The following SVOPL variants were observed in gnomAD, a reference collection of about 807,000 sequenced individuals.
The protein encoded by SVOPL is putative transporter SVOPL.
SVOPL carries 60 observed loss-of-function variants against 61.0 expected under a neutral mutation model. The ratio of observed to expected loss-of-function variants is 0.98; its 90% CI spans 0.80 to 1.22. SVOPL has a LOEUF of 1.22. Among genes scored for constraint, SVOPL ranks in the 50% most tolerant of loss-of-function variants. The probability of loss-of-function intolerance (pLI) is 0.00; values close to 1 mark genes in which losing one functional copy is unlikely to be tolerated. For synonymous variants in SVOPL, 279 were observed against 250.0 expected, an observed-to-expected ratio of 1.12 and a Z score of -1.09; for missense variants, 662 against 643.9, an observed-to-expected ratio of 1.03 and a Z score of -0.30.
intron 10 of SVOPL, among the ~76,000 whole-genome samples, chr7:138,629,153 G>GTGTGTGTGTGTGTGTGTGTGTGTATA: frequency 6.8e-6 from 1 of 147,376 alleles, no homozygotes; most frequent in African/African-American, 2.5e-5. Context: ...GTGTGTGTGT[G>GTGTGTGTGTGTGTGTGTGTGTGTATA]TATATATGTA....
intron 1 of SVOPL, among the ~76,000 whole-genome samples, chr7:138,700,910 A>C (rs1803182047): frequency 6.6e-6 from 1 of 152,216 alleles, no homozygotes; most frequent in Non-Finnish European, 1.5e-5. Flanking sequence ...AGCTTCATTA[A>C]AACAAATTCT....
intron 7 of SVOPL, 82 bp from the exon 8 acceptor site, chr7:138,649,219 G>C (rs1246066442): frequency 6.8e-7 from 1 of 1,470,392 alleles, no homozygotes. Context: ...TATATTTTTA[G>C]AAAGATTAAA....
chr7:138,652,090 C>T (rs1041685082), intron 7 of SVOPL, among the ~76,000 whole-genome samples: 1 of 151,218 alleles, frequency 6.6e-6, no homozygotes, highest in Non-Finnish European at 1.5e-5. Context: ...CTCGCTCTGT[C>T]ACCCAGGCTG....
chr7:138,645,539 C>A (rs1801057017), intron 8 of SVOPL: 1 of 152,858 alleles, frequency 6.5e-6, no homozygotes, highest in South Asian at 2.1e-4. Flanking sequence ...TTCCTCTTGC[C>A]TCATGCCCAG....
chr7:138,678,288 GC>G, intron 3 of SVOPL, 145 bp downstream of exon 3: 1 of 685,354 alleles, frequency 1.5e-6, no homozygotes, highest in Non-Finnish European at 2.3e-6. Context: ...CCTAAACGGT[GC>G]CCCATCCACC....
intron 14 of SVOPL, among the ~76,000 whole-genome samples, chr7:138,601,184 G>A (rs527626364): frequency 3.3e-5 from 5 of 151,222 alleles, no homozygotes; most frequent in East Asian, 1.9e-4. Context: ...TTCGGGAGGC[G>A]GAGCTTGCAG....
intron 14 of SVOPL, among the ~76,000 whole-genome samples, chr7:138,602,379 T>C (rs1798561233): frequency 6.6e-6 from 1 of 150,810 alleles, no homozygotes; most frequent in Admixed American, 6.7e-5. Flanking sequence ...ATGCACCTAC[T>C]TAAAAGAATG....
At chr7:138,664,825 TTC>T (rs1802188720) in intron 4 of SVOPL, among the ~76,000 whole-genome samples, 1 of 73,400 alleles carries the variant, frequency 1.4e-5, no homozygotes, top group Non-Finnish European at 2.6e-5. Context: ...CGCTCGACCC[TTC>T]CCCCCACCCC....
chr7:138,616,883 C>T (rs1191805384), intron 14 of SVOPL, among the ~76,000 whole-genome samples: 1 of 152,194 alleles, frequency 6.6e-6, no homozygotes, highest in East Asian at 1.9e-4. Flanking sequence ...AACTCCCAGG[C>T]TCAACCAAGT....
intron 1 of SVOPL, among the ~76,000 whole-genome samples, chr7:138,681,209 AAATT>A (rs1194711439): frequency 6.8e-6 from 1 of 147,494 alleles, no homozygotes. Flanking sequence ...CAAATATAAT[AAATT>A]AACAAATATT....
intron 7 of SVOPL, among the ~76,000 whole-genome samples, chr7:138,652,473 G>A (rs1801488042): frequency 6.6e-6 from 1 of 150,516 alleles, no homozygotes; most frequent in African/African-American, 2.4e-5. Context: ...GGCATAAGCT[G>A]CCACACCCAG....
intron 3 of SVOPL, 112 bp downstream of exon 3, chr7:138,678,322 T>G (rs1349668758): frequency 1.7e-6 from 2 of 1,142,980 alleles, no homozygotes; most frequent in East Asian, 5.4e-5. Flanking sequence ...TCTCAGGACC[T>G]CCTGAGGGCT....
intron 7 of SVOPL, among the ~76,000 whole-genome samples, chr7:138,652,064 C>T (rs1801466131): frequency 6.6e-6 from 1 of 151,538 alleles, no homozygotes; most frequent in Non-Finnish European, 1.5e-5. Context: ...CACACCCAGC[C>T]AATTTTTTTT....
At chr7:138,627,107 G>A (rs986725450) in intron 12 of SVOPL, among the ~76,000 whole-genome samples, 7 of 152,130 alleles carry the variant, frequency 4.6e-5, no homozygotes, top group African/African-American at 1.7e-4. Flanking sequence ...ATTTTGGTAG[G>A]TAAAGTGAGT....
chr7:138,670,047 A>C lies in SVOPL; in HGVS notation c.273+1972T>G, dbSNP rs191863761. Among the ~76,000 whole-genome samples the C allele has an allele frequency of 2.7e-4, 41 of 152,230 alleles. No homozygotes were observed. In the East Asian group the frequency reaches 7.7e-3, roughly 29 times the overall value. On this transcript the variant is annotated intron_variant, in intron 4 of 15. Coordinates refer to ENST00000674285, the MANE Select transcript of SVOPL (RefSeq NM_001139456.2). ...CCAGAACACACACCCTCACTCTACC[A>C]CTTATACCACAGCCCCTTTGAAACC...
chr7:138,683,377 G>C lies in SVOPL; in HGVS notation c.-34-4298C>G, dbSNP rs549829360. On this transcript the variant is annotated intron_variant, in intron 1 of 15. Transcript: ENST00000674285. ...AAAAAATGAGGTTCTGAGATTCTGG[G>C]GTTTTTTTGAGATGGAGTTTTGCTC... 1.2e-3 allele frequency among the ~76,000 whole-genome samples: 183 copies of C among 151,760 alleles called. 1 individual carries two copies. Among genetic ancestry groups the C allele is most frequent in the African/African-American group, 4.0e-3 (164 of 41,296 alleles).
chr7:138,663,387 G>A (rs1050261684), intron 4 of SVOPL: 2 of 1,383,050 alleles, frequency 1.4e-6, no homozygotes, highest in Middle Eastern at 2.7e-4. Flanking sequence ...GTCCTCTGCC[G>A]CCCGCTTGTT....
At position 138,630,086 on chromosome 7, in the gene SVOPL, T is replaced by G; in HGVS notation, c.826A>C (p.Lys276Gln). The G allele has an allele frequency of 6.2e-7, 1 of 1,614,028 alleles. No individual in the cohort carries two copies. The highest frequency in any genetic ancestry group is 1.1e-5 in the South Asian group (1 of 91,074). The change falls in exon 10 of 16, where the codon AAA becomes CAA. Residue 276 changes from lysine (K) to glutamine (Q), a missense_variant. Lys to Gln is a moderately conservative substitution (Grantham distance 53). Coordinates refer to ENST00000674285, the MANE Select transcript of SVOPL (RefSeq NM_001139456.2). ...ATCTGTAATGTGGTCCGTAAATATT[T>G]AGCATCCAATAGGTCTGCAAATCTT... is the stretch of plus-strand genomic sequence containing the variant. ...RGRFADLLDA[K>Q]YLRTTLQIWV... is the part of the protein sequence containing the mutation.
intron 14 of SVOPL, among the ~76,000 whole-genome samples, chr7:138,603,753 T>G (rs1798626971): frequency 6.6e-6 from 1 of 152,154 alleles, no homozygotes; most frequent in African/African-American, 2.4e-5. Flanking sequence ...CTGCAGCTAA[T>G]GAATGTAACC....
Sources: allele counts gnomAD v4.1 joint callset (sites outside exome capture counted in the v4.1 genomes callset), GRCh38; gene constraint gnomAD v4.1.1; transcripts MANE v1.5; gene names NCBI Gene and HGNC (gene_info 2026-07-23, HGNC 2026-07-21).